The following RNF212B variants were observed in gnomAD, a reference collection of about 807,000 sequenced individuals.
RNF212B encodes ring finger protein 212B.
Under a neutral mutation model 55.5 loss-of-function variants are expected in RNF212B, and 52 were observed. That is an observed-to-expected ratio of 0.94 (90% CI 0.75 to 1.18). RNF212B has a LOEUF of 1.18. Ranked by LOEUF, RNF212B falls within the 50% of genes most tolerant of loss-of-function variation. The probability of loss-of-function intolerance (pLI) is 0.00; values close to 1 mark genes in which losing one functional copy is unlikely to be tolerated. For missense variants in RNF212B, 289 were observed against 350.4 expected, an observed-to-expected ratio of 0.82 and a Z score of 1.40; for synonymous variants, 99 against 121.4, an observed-to-expected ratio of 0.82 and a Z score of 1.21.
At chr14:23,272,047 A>G (rs1397203068) in intron 14 of RNF212B, among the ~76,000 whole-genome samples, 1 of 152,192 alleles carries the variant, frequency 6.6e-6, no homozygotes, top group Non-Finnish European at 1.5e-5. Context: ...GGAGAGTAGA[A>G]ATAAAAGATT....
At chr14:23,207,618 A>G (rs1879976517) in intron 2 of RNF212B, among the ~76,000 whole-genome samples, 1 of 152,218 alleles carries the variant, frequency 6.6e-6, no homozygotes, top group Admixed American at 6.5e-5. Flanking sequence ...CCAAGCACAG[A>G]TAGGAGATTT....
intron 2 of RNF212B, among the ~76,000 whole-genome samples, chr14:23,199,249 A>T (rs766886665): frequency 3.9e-5 from 6 of 152,222 alleles, no homozygotes; most frequent in Non-Finnish European, 8.8e-5. Context: ...CAATCAATAT[A>T]TGTAAGAAGT....
At chr14:23,248,343 C>A (rs1884141505) in intron 4 of RNF212B, among the ~76,000 whole-genome samples, 1 of 150,324 alleles carries the variant, frequency 6.7e-6, no homozygotes, top group African/African-American at 2.4e-5. Context: ...ACCATGTTGC[C>A]CAGGTCTCGA....
intron 1 of RNF212B, among the ~76,000 whole-genome samples, chr14:23,239,480 C>T (rs1883396101): frequency 6.6e-6 from 1 of 152,158 alleles, no homozygotes; most frequent in African/African-American, 2.4e-5. Flanking sequence ...TCCCAAGTGG[C>T]TAATATGTGA....
intron 4 of RNF212B, among the ~76,000 whole-genome samples, chr14:23,249,826 G>A (rs1884274540): frequency 6.6e-6 from 1 of 152,148 alleles, no homozygotes; most frequent in East Asian, 1.9e-4. Context: ...AATTGCTTTT[G>A]CTAAGAAAGC....
At chr14:23,226,772 C>T (rs1156538750) in intron 2 of RNF212B, among the ~76,000 whole-genome samples, 1 of 149,580 alleles carries the variant, frequency 6.7e-6, no homozygotes, top group Non-Finnish European at 1.5e-5. Flanking sequence ...CGTCTCCTCT[C>T]CTCTCTTCTT....
chr14:23,249,408 T>C (rs1017081417), intron 4 of RNF212B, among the ~76,000 whole-genome samples: 1 of 152,152 alleles, frequency 6.6e-6, no homozygotes, highest in African/African-American at 2.4e-5. Flanking sequence ...TAGCTGGGCA[T>C]GGTGGCACAC....
At chr14:23,270,054 G>GC (rs1238013935) in intron 13 of RNF212B, 94 bp downstream of exon 13, 6 of 750,596 alleles carry the variant, frequency 8.0e-6, no homozygotes, top group Middle Eastern at 2.3e-4. Flanking sequence ...GTTGAGGTTT[G>GC]CCCCCCAAAG....
chr14:23,260,553 A>G (rs2140472534), intron 6 of RNF212B, 106 bp from the exon 7 acceptor site: 1 of 1,015,644 alleles, frequency 9.8e-7, no homozygotes, highest in Middle Eastern at 2.0e-4. Flanking sequence ...CTTAGCAACC[A>G]TGACTAAGGG....
intron 1 of RNF212B, among the ~76,000 whole-genome samples, chr14:23,187,716 G>A (rs1463786573): frequency 2.6e-5 from 4 of 152,052 alleles, no homozygotes; most frequent in Non-Finnish European, 5.9e-5. Context: ...CAGTCCATGC[G>A]CTCACTCCAT....
intron 2 of RNF212B, among the ~76,000 whole-genome samples, chr14:23,228,726 C>T (rs1055871289): frequency 6.6e-6 from 1 of 151,978 alleles, no homozygotes; most frequent in Admixed American, 6.6e-5. Flanking sequence ...TACATCATTT[C>T]AAGACTTATC....
intron 1 of RNF212B, among the ~76,000 whole-genome samples, chr14:23,192,249 C>T (rs1180414402): frequency 3.9e-5 from 6 of 152,050 alleles, no homozygotes; most frequent in African/African-American, 1.2e-4. Context: ...ATGTTTATTG[C>T]GGCACTATTC....
chr14:23,266,358 C>A (rs1473040921), intron 11 of RNF212B, among the ~76,000 whole-genome samples: 70 of 146,302 alleles, frequency 4.8e-4, no homozygotes, highest in Admixed American at 4.7e-3. Flanking sequence ...CCCAAATTTC[C>A]TACTGTTATT....
chr14:23,252,205 G>A (rs1884468032), intron 4 of RNF212B, among the ~76,000 whole-genome samples: 2 of 152,048 alleles, frequency 1.3e-5, no homozygotes, highest in South Asian at 2.1e-4. Context: ...CACCTCATTA[G>A]CACACATTCA....
chr14:23,192,974 C>G (rs1407429937), intron 1 of RNF212B, among the ~76,000 whole-genome samples: 2 of 151,754 alleles, frequency 1.3e-5, no homozygotes, highest in Admixed American at 6.6e-5. Context: ...TGCCTGTAAT[C>G]CCAGCTACTA....
chr14:23,193,545 T>C (rs1206841264), intron 2 of RNF212B: 1 of 152,100 alleles, frequency 6.6e-6, no homozygotes, highest in Non-Finnish European at 1.5e-5. Context: ...GAGGATTACT[T>C]GATGTTTGGC....
At chr14:23,233,960 G>C (rs1882922501), upstream of RNF212B, among the ~76,000 whole-genome samples, 1 of 152,066 alleles carries the variant, frequency 6.6e-6, no homozygotes, top group Non-Finnish European at 1.5e-5. Flanking sequence ...AGCCAGGCCT[G>C]GTGGTGTGTG....
intron 2 of RNF212B, among the ~76,000 whole-genome samples, chr14:23,203,969 C>A (rs866374968): frequency 2.9e-4 from 44 of 152,184 alleles, no homozygotes; most frequent in African/African-American, 1.0e-3. Context: ...ATTTGCATTT[C>A]CCTGATCACT....
chr14:23,261,262 T>C, intron 7 of RNF212B: 1 of 216,702 alleles, frequency 4.6e-6, no homozygotes, highest in Non-Finnish European at 9.1e-6. Context: ...AACCTAATGC[T>C]TGTTTGGACC....
Sources: allele counts gnomAD v4.1 joint callset (sites outside exome capture counted in the v4.1 genomes callset), GRCh38; gene constraint gnomAD v4.1.1; transcripts MANE v1.5; gene names NCBI Gene and HGNC (gene_info 2026-07-23, HGNC 2026-07-21).